Variants in PLA2G4A observed in about 807,000 individuals in gnomAD.
The protein encoded by PLA2G4A is cytosolic phospholipase A2.
Under a neutral mutation model 81.9 loss-of-function variants are expected in PLA2G4A, and 40 were observed. The ratio of observed to expected loss-of-function variants is 0.49; its 90% CI spans 0.38 to 0.64. PLA2G4A has a LOEUF of 0.64. Ranked by LOEUF, PLA2G4A falls within the 30% of genes least tolerant of loss-of-function variation. The pLI, the probability that PLA2G4A is intolerant of heterozygous loss-of-function variation, is 0.00. For missense variants in PLA2G4A, 715 were observed against 905.1 expected (o/e 0.79, Z 2.69); for synonymous variants, 302 against 296.9 (o/e 1.02, Z -0.18).
chr1:186,890,936 T>C (rs1004538818), intron 3 of PLA2G4A, among the ~76,000 whole-genome samples: 1 of 151,890 alleles, frequency 6.6e-6, no homozygotes, highest in Admixed American at 6.6e-5. Flanking sequence ...AATAAATACA[T>C]GTTGATTTTT....
intron 15 of PLA2G4A, among the ~76,000 whole-genome samples, chr1:186,968,150 C>CA (rs1657199701): frequency 6.6e-6 from 1 of 151,972 alleles, no homozygotes; most frequent in Non-Finnish European, 1.5e-5. Flanking sequence ...TATAAAATGT[C>CA]AAAGCCATCA....
intron 1 of PLA2G4A, among the ~76,000 whole-genome samples, chr1:186,831,492 C>T (rs547920952): frequency 6.6e-6 from 1 of 152,120 alleles, no homozygotes; most frequent in South Asian, 2.1e-4. Flanking sequence ...CTTTTATTGC[C>T]GAATGCAGTA....
chr1:186,893,985 C>T (rs946058791), intron 4 of PLA2G4A, 113 bp from the exon 5 acceptor site: 5 of 682,778 alleles, frequency 7.3e-6, no homozygotes, highest in Middle Eastern at 3.1e-4. Flanking sequence ...TCTTCAAGGA[C>T]TCTTAAATAT....
At chr1:186,885,364 A>C (rs1653900472) in intron 3 of PLA2G4A, among the ~76,000 whole-genome samples, 2 of 152,192 alleles carry the variant, frequency 1.3e-5, no homozygotes, top group Non-Finnish European at 2.9e-5. Context: ...GGAGCCTTAG[A>C]GTGGGAGTGA....
chr1:186,963,377 G>A (rs1315711043), intron 14 of PLA2G4A, among the ~76,000 whole-genome samples: 8 of 152,140 alleles, frequency 5.3e-5, no homozygotes, highest in Admixed American at 5.2e-4. Context: ...TATTTTGGCT[G>A]ATGGCAAAGT....
At chr1:186,941,406 CAA>C (rs1363957453) in intron 10 of PLA2G4A, among the ~76,000 whole-genome samples, 4 of 152,130 alleles carry the variant, frequency 2.6e-5, no homozygotes, top group African/African-American at 4.8e-5. Context: ...TCCATTCATT[CAA>C]ATGTTTATTA....
chr1:186,909,818 C>T (rs1021900528), intron 6 of PLA2G4A, among the ~76,000 whole-genome samples: 12 of 152,058 alleles, frequency 7.9e-5, no homozygotes, highest in Non-Finnish European at 1.6e-4. Context: ...TTGGTTACTT[C>T]CCTTAAGATA....
intron 3 of PLA2G4A, among the ~76,000 whole-genome samples, chr1:186,875,137 A>G (rs1034923917): frequency 6.6e-6 from 1 of 152,134 alleles, no homozygotes; most frequent in Non-Finnish European, 1.5e-5. Context: ...CCACATTTTG[A>G]AAGACAAGGT....
chr1:186,943,520 CTAGACCTGACATAAGTGTG>C (rs1192053644), intron 10 of PLA2G4A, among the ~76,000 whole-genome samples: 7 of 152,030 alleles, frequency 4.6e-5, no homozygotes, highest in Admixed American at 1.3e-4. Flanking sequence ...TATAATATAC[CTAGACCTGACATAAGTGTG>C]TAGACCTGAC....
chr1:186,890,392 T>TA lies in PLA2G4A; in HGVS notation c.116-2613dup, dbSNP rs200517985. On this transcript the variant is annotated intron_variant, in intron 3 of 17. Coordinates refer to ENST00000367466, the MANE Select transcript of PLA2G4A (RefSeq NM_024420.3). ...GACATTAAAGGATTCGGTGGAATCC[T>TA]AAAAAAGGAGTGATCAATACTTGCA... Among the ~76,000 whole-genome samples, 1,373 of 152,268 alleles carry TA rather than the reference T, an allele frequency of 9.0e-3. 11 individuals are homozygous for TA. The highest frequency in any genetic ancestry group is 0.013 in the Non-Finnish European group (899 of 68,022).
intron 14 of PLA2G4A, among the ~76,000 whole-genome samples, chr1:186,961,652 A>G (rs1336963264): frequency 6.6e-6 from 1 of 152,216 alleles, no homozygotes; most frequent in Non-Finnish European, 1.5e-5. Flanking sequence ...ATAAAAGGAT[A>G]CTACCAGTTT....
At chr1:186,857,551 A>G (rs1652634485) in intron 2 of PLA2G4A, among the ~76,000 whole-genome samples, 1 of 142,712 alleles carries the variant, frequency 7.0e-6, no homozygotes, top group Non-Finnish European at 1.5e-5. Flanking sequence ...ATGAATATAT[A>G]ATATAAATTA....
rs1487001869 is a variant in PLA2G4A at position 186,857,099 on chromosome 1, A to G, written c.33+2712A>G. Among the ~76,000 whole-genome samples the G allele has an allele frequency of 4.5e-5, 3 of 67,098 alleles. 1 individual carries two copies. Among genetic ancestry groups the G allele is most frequent in the Non-Finnish European group, 7.3e-5 (3 of 40,914 alleles). 44.0% of individuals were successfully genotyped at this position (67,098 alleles called of 152,430 possible). On this transcript the variant is annotated intron_variant, in intron 2 of 17. Coordinates refer to ENST00000367466, the MANE Select transcript of PLA2G4A (RefSeq NM_024420.3). ...ATATTATACATATATAATATATAAT[A>G]TAATTATATAATTATATAATATTCT... is the stretch of plus-strand genomic sequence containing the variant.
In PLA2G4A at chr1:186,979,487, T is replaced by C. The variant is rs374156307; in HGVS notation, c.2118+15T>C. 6 of 1,520,718 alleles carry C rather than the reference T, an allele frequency of 3.9e-6. No homozygotes were observed. The African/African-American group carries it at 4.1e-5, about 10-fold the overall frequency. 94.2% of individuals were successfully genotyped at this position (1,520,718 alleles called of 1,614,324 possible). On this transcript the variant is annotated intron_variant, in intron 17 of 17. Coordinates refer to ENST00000367466, the MANE Select transcript of PLA2G4A (RefSeq NM_024420.3). The stretch of plus-strand genomic sequence containing the variant: ...ACAACATTGATGTAAGTATCTCCTA[T>C]GGCCATTGACTATGTCAAATGACTT...
chr1:186,965,847 A>T (rs12720664), intron 15 of PLA2G4A, among the ~76,000 whole-genome samples: 2 of 152,180 alleles, frequency 1.3e-5, no homozygotes, highest in Non-Finnish European at 2.9e-5. Flanking sequence ...GAAGTTTAGA[A>T]AGGAAATGAG....
chr1:186,843,153 T>A (rs145331460), intron 1 of PLA2G4A, among the ~76,000 whole-genome samples: 2,239 of 152,274 alleles, frequency 0.015, 67 homozygotes, highest in African/African-American at 0.051. Flanking sequence ...CTGTTTTTTT[T>A]AATCTCAAAA....
intron 2 of PLA2G4A, among the ~76,000 whole-genome samples, chr1:186,859,948 A>G (rs1652736774): frequency 6.6e-6 from 1 of 152,170 alleles, no homozygotes; most frequent in African/African-American, 2.4e-5. Context: ...TTTTTAGAAA[A>G]GTTAGATGAT....
At chr1:186,907,955 TTGAC>T (rs1283298256) in intron 6 of PLA2G4A, among the ~76,000 whole-genome samples, 1 of 152,232 alleles carries the variant, frequency 6.6e-6, no homozygotes, top group Non-Finnish European at 1.5e-5. Flanking sequence ...CACTTGTTAT[TTGAC>T]TGACTATGGA....
chr1:186,892,821 G>A (rs776855284), intron 3 of PLA2G4A, among the ~76,000 whole-genome samples, 190 bp from the exon 4 acceptor site: 1 of 152,084 alleles, frequency 6.6e-6, no homozygotes, highest in Non-Finnish European at 1.5e-5. Flanking sequence ...CTATTATGAA[G>A]GACAGCGACA....
Sources: gnomAD v4.1 joint callset for allele counts (sites outside exome capture counted in the v4.1 genomes callset) on GRCh38, gnomAD v4.1.1 for gene constraint, MANE v1.5 for transcripts, NCBI Gene and HGNC (gene_info 2026-07-23, HGNC 2026-07-21) for gene names.